KIAA0753: variants seen among roughly 807,000 people sequenced by gnomAD.
KIAA0753 encodes the protein KIAA0753.
In KIAA0753, 114 loss-of-function variants were observed where a neutral mutation model predicts 116.9. The ratio of observed to expected loss-of-function variants is 0.98; its 90% CI spans 0.84 to 1.14. The LOEUF (loss-of-function observed/expected upper bound fraction) is 1.14, where lower values mean the gene tolerates loss of function less well. Among genes scored for constraint, KIAA0753 ranks in the 50% most tolerant of loss-of-function variants. The pLI is 0.00. For synonymous variants in KIAA0753, 405 were observed against 413.1 expected, an observed-to-expected ratio of 0.98 and a Z score of 0.24; for missense variants, 1,156 against 1,172.4, an observed-to-expected ratio of 0.99 and a Z score of 0.20.
intron 6 of KIAA0753, among the ~76,000 whole-genome samples, chr17:6,622,575 T>C (rs1238767338): frequency 6.6e-6 from 1 of 152,278 alleles, no homozygotes; most frequent in Non-Finnish European, 1.5e-5. Flanking sequence ...TTTTCTATGC[T>C]AATAAATTTT....
intron 18 of KIAA0753, among the ~76,000 whole-genome samples, chr17:6,588,677 G>A (rs899715760): frequency 3.3e-5 from 5 of 152,106 alleles, no homozygotes; most frequent in African/African-American, 1.2e-4. Context: ...TGTAATTATA[G>A]TATACTACTT....
At chr17:6,603,478 A>G (rs1416692339) in intron 12 of KIAA0753, among the ~76,000 whole-genome samples, 6 of 152,258 alleles carry the variant, frequency 3.9e-5, no homozygotes. Flanking sequence ...AAACAAGCCA[A>G]TGAGCAGAAA....
chr17:6,625,772 C>T (rs77047167), intron 3 of KIAA0753, among the ~76,000 whole-genome samples: 10,983 of 152,126 alleles, frequency 0.072, 738 homozygotes, highest in African/African-American at 0.17. Flanking sequence ...TGTCACCAGT[C>T]TCACACAGCA....
intron 16 of KIAA0753, among the ~76,000 whole-genome samples, chr17:6,592,939 C>T (rs1050292456): frequency 3.3e-5 from 5 of 151,752 alleles, no homozygotes; most frequent in African/African-American, 4.8e-5. Context: ...GGTGGCTGCC[C>T]GGGTGGGAGA....
intron 7 of KIAA0753, among the ~76,000 whole-genome samples, chr17:6,616,950 A>C (rs6502962): frequency 0.02 from 2,995 of 152,208 alleles, 95 homozygotes; most frequent in African/African-American, 0.068. Flanking sequence ...CAGCTTTCCT[A>C]CATTTGTTCC....
In KIAA0753 at chr17:6,588,513, G is replaced by A. The variant is rs1241233005; in HGVS notation, c.2786+1266C>T. On this transcript the variant is annotated intron_variant, in intron 18 of 18. Transcript: ENST00000361413. ...GTCTCAGGAGAAAAAGTAAGGGTGG[G>A]GCCGATCACAGAGATTAACTGATAC... Among the ~76,000 whole-genome samples the A allele has an allele frequency of 3.9e-5, 6 of 151,926 alleles. No homozygotes were observed. In the East Asian group the frequency reaches 9.6e-4, roughly 24 times the overall value.
chr17:6,609,761 G>A (rs1175076178), intron 9 of KIAA0753, among the ~76,000 whole-genome samples: 1 of 152,134 alleles, frequency 6.6e-6, no homozygotes, highest in Admixed American at 6.5e-5. Context: ...CACATGTCCC[G>A]GTGTTGGGGT....
At chr17:6,618,471 G>A (rs1971082158) in intron 7 of KIAA0753, among the ~76,000 whole-genome samples, 1 of 152,206 alleles carries the variant, frequency 6.6e-6, no homozygotes, top group Non-Finnish European at 1.5e-5. Flanking sequence ...TTATGGGACT[G>A]AAACTTAACC....
chr17:6,586,431 C>T (rs1968581718), intron 18 of KIAA0753, among the ~76,000 whole-genome samples: 1 of 152,286 alleles, frequency 6.6e-6, no homozygotes, highest in African/African-American at 2.4e-5. Flanking sequence ...TGGTTCTTGC[C>T]TTCATCCTCA....
intron 16 of KIAA0753, among the ~76,000 whole-genome samples, chr17:6,591,737 C>T (rs150308970): frequency 1.3e-5 from 2 of 152,340 alleles, no homozygotes; most frequent in Non-Finnish European, 2.9e-5. Context: ...ACTTTGTGGC[C>T]AGTGGCCAAA....
In KIAA0753 at chr17:6,635,153, G is replaced by T; in HGVS notation, c.-50C>A. 1 of 1,358,582 alleles carries T rather than the reference G, an allele frequency of 7.4e-7. No individual in the cohort carries two copies. The allele number at this position is 1,358,582 out of a possible 1,614,324, so 84.2% of individuals were successfully genotyped here. ...GTGACAGCCTTGTCATCCGGCAACAGTCTTCCCTAAAACCATTCCTAAAAC... is the reference window on the plus strand; with the variant it reads ...GTGACAGCCTTGTCATCCGGCAACATTCTTCCCTAAAACCATTCCTAAAAC... On this transcript the variant is annotated 5_prime_UTR_variant, in exon 2 of 19. The change creates a new upstream start codon in the 5' untranslated region. Transcript: ENST00000361413.
At chr17:6,609,546 C>T (rs775660216) in intron 9 of KIAA0753, among the ~76,000 whole-genome samples, 32 of 152,192 alleles carry the variant, frequency 2.1e-4, no homozygotes, top group Non-Finnish European at 3.7e-4. Flanking sequence ...TTTTATAGTT[C>T]ATAATTATCT....
chr17:6,596,153 C>G lies in KIAA0753; in HGVS notation c.2358+5G>C, dbSNP rs926786927. 12 of 1,612,406 alleles carry G rather than the reference C, an allele frequency of 7.4e-6. No homozygotes were observed. Among genetic ancestry groups the G allele is most frequent in the Non-Finnish European group, 9.3e-6 (11 of 1,178,644 alleles). Reference sequence around the variant, plus strand: ...GCGAACCAGACCCGGAGCCCCAGACCTTACTTCCATCTCTTCCATTCGGCG... The same window carrying G: ...GCGAACCAGACCCGGAGCCCCAGACGTTACTTCCATCTCTTCCATTCGGCG... On this transcript the variant is annotated splice_donor_5th_base_variant and intron_variant, in intron 15 of 18. Transcript: ENST00000361413.
Position 6,579,878 on chromosome 17 carries a change from A to G in KIAA0753, c.2787-14T>C, listed in dbSNP as rs779889570. 1 of 1,598,640 alleles carries G rather than the reference A, an allele frequency of 6.3e-7. No homozygotes were observed. Among genetic ancestry groups the G allele is most frequent in the Non-Finnish European group, 8.6e-7 (1 of 1,166,974 alleles). ...TCTTCTGAAAAGCTGGAAGACAAAC[A>G]ACACAACTAAAGGTATGTACAAGGC... On this transcript the variant is annotated splice_polypyrimidine_tract_variant and intron_variant, in intron 18 of 18. Transcript: ENST00000361413.
intron 18 of KIAA0753, 150 bp from the exon 19 acceptor site, chr17:6,580,014 C>G: frequency 1.7e-6 from 1 of 576,268 alleles, no homozygotes; most frequent in Non-Finnish European, 3.1e-6. Flanking sequence ...GAAACCCGGT[C>G]TCTACTAAAA....
chr17:6,607,038 T>TC, intron 11 of KIAA0753, 76 bp from the exon 12 acceptor site: 4 of 1,481,060 alleles, frequency 2.7e-6, no homozygotes, highest in Non-Finnish European at 3.8e-6. Flanking sequence ...CAGTCTTGGC[T>TC]CCCCCCTTGG....
rs369475903 is a variant in KIAA0753, at chr17:6,600,507, C to T, written c.2010-49G>A. Reference sequence around the variant, plus strand: ...TTAAAATCAAAGGCAATAAAATATCCTATTTTGCATATTTATTTGCCACTC... The same window carrying T: ...TTAAAATCAAAGGCAATAAAATATCTTATTTTGCATATTTATTTGCCACTC... On this transcript the variant is annotated intron_variant, in intron 12 of 18. Transcript: ENST00000361413. 1.2e-5 allele frequency: 17 copies of T among 1,442,970 alleles called. No homozygotes were observed. In the African/African-American group the frequency reaches 1.3e-4, roughly 11 times the overall value. The allele number at this position is 1,442,970 out of a possible 1,614,324, so 89.4% of individuals were successfully genotyped here.
In KIAA0753 at chr17:6,596,274, C is replaced by G; in HGVS notation, c.2242G>C (p.Glu748Gln). 6.2e-7 allele frequency: 1 copy of G among 1,613,154 alleles called. No homozygotes were observed. Among genetic ancestry groups the G allele is most frequent in the Non-Finnish European group, 8.5e-7 (1 of 1,179,706 alleles). ...TTAGCATGAGTCACAGCCCAGAGCTCACTGGCACAATCTTCCAAAAAATCA... is the reference window on the plus strand; with the variant it reads ...TTAGCATGAGTCACAGCCCAGAGCTGACTGGCACAATCTTCCAAAAAATCA... ...LDDFLEDCAS[E>Q]LWAVTHAKIL... The change falls in exon 15 of 19, where the codon GAG becomes CAG. Residue 748 changes from glutamate to glutamine, a missense_variant. Transcript: ENST00000361413.
At chr17:6,605,801 G>A (rs1271519532) in intron 12 of KIAA0753, among the ~76,000 whole-genome samples, 1 of 152,124 alleles carries the variant, frequency 6.6e-6, no homozygotes, top group Non-Finnish European at 1.5e-5. Flanking sequence ...ATGGTGGTGC[G>A]TGGATGTTCA....
Sources: gnomAD v4.1 joint callset for allele counts (sites outside exome capture counted in the v4.1 genomes callset) on GRCh38, gnomAD v4.1.1 for gene constraint, MANE v1.5 for transcripts, NCBI Gene and HGNC (gene_info 2026-07-23, HGNC 2026-07-21) for gene names.